HS6ST3: variants seen among roughly 807,000 people sequenced by gnomAD.
HS6ST3 encodes the protein heparan sulfate 6-O-sulfotransferase 3, also known as heparan-sulfate 6-O-sulfotransferase 3.
Under a neutral mutation model 36.7 loss-of-function variants are expected in HS6ST3, and 12 were observed. That is an observed-to-expected ratio of 0.33 (90% confidence interval 0.21 to 0.53). The LOEUF (loss-of-function observed/expected upper bound fraction) is 0.53, where lower values mean the gene tolerates loss of function less well. Ranked by LOEUF, HS6ST3 falls within the 20% of genes least tolerant of loss-of-function variation. The pLI, the probability that HS6ST3 is intolerant of heterozygous loss-of-function variation, is 0.95. For synonymous variants in HS6ST3, 240 were observed against 257.5 expected, an observed-to-expected ratio of 0.93 and a Z score of 0.65; for missense variants, 584 against 640.9, an observed-to-expected ratio of 0.91 and a Z score of 0.96.
At chr13:96,467,572 C>T (rs896000719) in intron 1 of HS6ST3, among the ~76,000 whole-genome samples, 1 of 152,114 alleles carries the variant, frequency 6.6e-6, no homozygotes, top group Non-Finnish European at 1.5e-5. Flanking sequence ...TGTACAAGGC[C>T]TGGTGTGTTT....
intron 1 of HS6ST3, among the ~76,000 whole-genome samples, chr13:96,271,543 G>T (rs2054720206): frequency 6.6e-6 from 1 of 151,852 alleles, no homozygotes; most frequent in Non-Finnish European, 1.5e-5. Flanking sequence ...TTGCCTTGCT[G>T]TATCAGTGAG....
At chr13:96,652,011 T>C (rs894879077) in intron 1 of HS6ST3, among the ~76,000 whole-genome samples, 1 of 152,068 alleles carries the variant, frequency 6.6e-6, no homozygotes, top group African/African-American at 2.4e-5. Flanking sequence ...ACCTGATATA[T>C]AGTCTCAGGC....
At chr13:96,306,441 C>G (rs1341277613) in intron 1 of HS6ST3, among the ~76,000 whole-genome samples, 4 of 152,114 alleles carry the variant, frequency 2.6e-5, no homozygotes, top group African/African-American at 7.2e-5. Context: ...TAACTCCTGT[C>G]GTCAAGTGGT....
chr13:96,672,995 C>T (rs962941606), intron 1 of HS6ST3, among the ~76,000 whole-genome samples: 1 of 152,080 alleles, frequency 6.6e-6, no homozygotes, highest in Non-Finnish European at 1.5e-5. Flanking sequence ...CTGAAATTAG[C>T]AACATTGGGC....
rs1875943819 is a variant in HS6ST3 at position 96,724,309 on chromosome 13, T to C, written c.708-108181T>C. Among the ~76,000 whole-genome samples the C allele has an allele frequency of 7.2e-5, 11 of 152,310 alleles. No homozygotes were observed. The South Asian group carries it at 2.3e-3, about 32-fold the overall frequency. ...ATGTGGAGACAAGGAGTGAACTGGG[T>C]AAGGTAGGGATTCTTTAGTTATAGC... On this transcript the variant is annotated intron_variant, in intron 1 of 1. Transcript: ENST00000376705.
intron 1 of HS6ST3, among the ~76,000 whole-genome samples, chr13:96,337,510 G>A (rs1472780145): frequency 1.3e-5 from 2 of 152,066 alleles, no homozygotes; most frequent in Non-Finnish European, 2.9e-5. Context: ...CCAGTTTCCA[G>A]CATTGCTGTT....
intron 1 of HS6ST3, among the ~76,000 whole-genome samples, chr13:96,115,444 C>G (rs1368515730): frequency 6.6e-6 from 1 of 152,146 alleles, no homozygotes; most frequent in South Asian, 2.1e-4. Flanking sequence ...GTTCCCCACC[C>G]TGTGTCCAGG....
At chr13:96,475,356 A>G (rs1408469798) in intron 1 of HS6ST3, among the ~76,000 whole-genome samples, 1 of 152,126 alleles carries the variant, frequency 6.6e-6, no homozygotes, top group East Asian at 1.9e-4. Flanking sequence ...AGCTGATAGA[A>G]GCTATTAGAA....
intron 1 of HS6ST3, among the ~76,000 whole-genome samples, chr13:96,404,540 T>G (rs979961765): frequency 6.6e-6 from 1 of 151,948 alleles, no homozygotes; most frequent in African/African-American, 2.4e-5. Flanking sequence ...AATGTTAGAG[T>G]GAGAGTCATG....
At chr13:96,716,606 T>A (rs1875701616) in intron 1 of HS6ST3, among the ~76,000 whole-genome samples, 1 of 152,166 alleles carries the variant, frequency 6.6e-6, no homozygotes, top group South Asian at 2.1e-4. Flanking sequence ...TTATCTATGA[T>A]CTATCAATCA....
intron 1 of HS6ST3, among the ~76,000 whole-genome samples, chr13:96,395,384 C>T (rs765529476): frequency 7.2e-5 from 11 of 152,134 alleles, no homozygotes; most frequent in South Asian, 2.1e-4. Context: ...TAGGTGCTCC[C>T]GCACTAAGTC....
At chr13:96,509,100 A>G (rs1404149021) in intron 1 of HS6ST3, among the ~76,000 whole-genome samples, 2 of 152,094 alleles carry the variant, frequency 1.3e-5, no homozygotes, top group Non-Finnish European at 2.9e-5. Context: ...TTCTCTGATG[A>G]TCAGTGATGT....
At chr13:96,525,593 C>G (rs993426510) in intron 1 of HS6ST3, among the ~76,000 whole-genome samples, 1 of 152,152 alleles carries the variant, frequency 6.6e-6, no homozygotes, top group Non-Finnish European at 1.5e-5. Context: ...AAATTCAGGT[C>G]TTTAATTATC....
intron 1 of HS6ST3, among the ~76,000 whole-genome samples, chr13:96,454,224 T>G (rs1481608030): frequency 1.3e-5 from 2 of 152,142 alleles, no homozygotes; most frequent in Non-Finnish European, 2.9e-5. Context: ...TATTAGGAAC[T>G]GAATGTGCCT....
intron 1 of HS6ST3, among the ~76,000 whole-genome samples, chr13:96,120,615 C>A (rs773012974): frequency 1.3e-5 from 2 of 151,976 alleles, no homozygotes; most frequent in Non-Finnish European, 1.5e-5. Flanking sequence ...CTGAATTATT[C>A]AAATTTTATA....
chr13:96,523,687 A>G (rs1165403641), intron 1 of HS6ST3, among the ~76,000 whole-genome samples: 2 of 151,892 alleles, frequency 1.3e-5, no homozygotes, highest in Non-Finnish European at 2.9e-5. Context: ...ATGCTTCACG[A>G]AGTTCTTGTA....
intron 1 of HS6ST3, among the ~76,000 whole-genome samples, chr13:96,690,265 A>G (rs1874918513): frequency 6.6e-6 from 1 of 152,144 alleles, no homozygotes; most frequent in African/African-American, 2.4e-5. Context: ...GCAAAAGTAC[A>G]AAAATACTAG....
At chr13:96,325,232 A>T (rs2055024475) in intron 1 of HS6ST3, among the ~76,000 whole-genome samples, 1 of 152,142 alleles carries the variant, frequency 6.6e-6, no homozygotes, top group South Asian at 2.1e-4. Flanking sequence ...TTTGATAAGT[A>T]TTTCTTTTGA....
rs150646242 is a variant in HS6ST3, at chr13:96,611,961, T to G, written c.708-220529T>G. Among the ~76,000 whole-genome samples, 486 of 152,252 alleles carry G rather than the reference T, an allele frequency of 3.2e-3. 1 individual carries two copies. The highest frequency in any genetic ancestry group is 6.8e-3 in the Middle Eastern group (2 of 294). ...GTAACATGGCATTTGCAAGAATGGA[T>G]TCCAGAAGCAACAACGTGGAGGCTG... On this transcript the variant is annotated intron_variant, in intron 1 of 1. Transcript: ENST00000376705.
Sources: gnomAD v4.1 joint callset for allele counts (sites outside exome capture counted in the v4.1 genomes callset) on GRCh38, gnomAD v4.1.1 for gene constraint, MANE v1.5 for transcripts, NCBI Gene and HGNC (gene_info 2026-07-23, HGNC 2026-07-21) for gene names.